The following TTBK2 variants were observed in gnomAD, a reference collection of about 807,000 sequenced individuals.
TTBK2 encodes the protein tau-tubulin kinase 2.
TTBK2 carries 28 observed loss-of-function variants against 110.8 expected under a neutral mutation model. The observed-to-expected ratio is 0.25, with a 90% CI of 0.19 to 0.35. The LOEUF is 0.35. Among genes scored for constraint, TTBK2 ranks in the 10% least tolerant of loss-of-function variants. The probability of loss-of-function intolerance (pLI) is 1.00; values close to 1 mark genes in which losing one functional copy is unlikely to be tolerated. For missense variants in TTBK2, 1,369 were observed against 1,500.3 expected, an observed-to-expected ratio of 0.91 and a Z score of 1.45; for synonymous variants, 532 against 527.3, an observed-to-expected ratio of 1.01 and a Z score of -0.12.
At chr15:42,807,302 G>A (rs1891508701) in intron 9 of TTBK2, among the ~76,000 whole-genome samples, 1 of 152,102 alleles carries the variant, frequency 6.6e-6, no homozygotes, top group South Asian at 2.1e-4. Flanking sequence ...CCAACGGTGT[G>A]TATATTTATG....
At chr15:42,768,214 GT>G (rs2140711843) in intron 13 of TTBK2, among the ~76,000 whole-genome samples, 1 of 152,326 alleles carries the variant, frequency 6.6e-6, no homozygotes, top group Admixed American at 6.5e-5. Context: ...AGACAGGGAT[GT>G]CCTCTCTCAC....
chr15:42,807,540 C>T (rs1361258248), intron 9 of TTBK2, among the ~76,000 whole-genome samples: 1 of 151,980 alleles, frequency 6.6e-6, no homozygotes, highest in Non-Finnish European at 1.5e-5. Context: ...TCCCAAGTAG[C>T]CGGGACTACA....
At chr15:42,858,182 T>C (rs1411940478) in intron 3 of TTBK2, among the ~76,000 whole-genome samples, 1 of 152,178 alleles carries the variant, frequency 6.6e-6, no homozygotes, top group African/African-American at 2.4e-5. Flanking sequence ...GTCTGCCAAA[T>C]TTTGATACAT....
intron 9 of TTBK2, among the ~76,000 whole-genome samples, chr15:42,804,904 T>C (rs978995292): frequency 3.9e-5 from 6 of 152,176 alleles, no homozygotes; most frequent in African/African-American, 9.7e-5. Context: ...ACTGAGAGAA[T>C]AGCAGATGCA....
In TTBK2 at chr15:42,800,857, C is replaced by A. The variant is rs1447343698; in HGVS notation, c.823-6056G>T. The A allele has an allele frequency of 5.0e-6, 3 of 600,512 alleles. 1 individual carries two copies. Among genetic ancestry groups the A allele is most frequent in the Non-Finnish European group, 8.9e-6 (3 of 337,378 alleles). 37.2% of individuals were successfully genotyped at this position (600,512 alleles called of 1,614,324 possible). A position where few individuals can be genotyped will look rare whatever the true frequency, so the allele number is the denominator to read the frequency against. ...AACTCCCTCGCGGATGGGCTGAGGG[C>A]TAGGGCTGAGCCTCGGGTGGGTCTC... On this transcript the variant is annotated intron_variant, in intron 9 of 14. Transcript: ENST00000267890.
chr15:42,863,560 G>A (rs1019761297), intron 3 of TTBK2, among the ~76,000 whole-genome samples: 24 of 151,258 alleles, frequency 1.6e-4, no homozygotes, highest in African/African-American at 5.8e-4. Flanking sequence ...ATTTTTCACA[G>A]AATTAGAAAA....
intron 11 of TTBK2, among the ~76,000 whole-genome samples, chr15:42,779,798 C>T (rs191143264): frequency 2.6e-4 from 40 of 151,998 alleles, no homozygotes; most frequent in African/African-American, 9.2e-4. Flanking sequence ...CTGGCCAATA[C>T]GGTGAAGCCC....
chr15:42,827,341 A>T (rs1892577013), intron 6 of TTBK2, among the ~76,000 whole-genome samples: 1 of 152,216 alleles, frequency 6.6e-6, no homozygotes, highest in South Asian at 2.1e-4. Context: ...GCTGTAATAT[A>T]TTACCTAAAA....
intron 14 of TTBK2, among the ~76,000 whole-genome samples, chr15:42,750,490 G>A (rs941916622): frequency 6.6e-6 from 1 of 151,918 alleles, no homozygotes; most frequent in African/African-American, 2.4e-5. Context: ...AGATGGATTC[G>A]AGAGCAGATT....
intron 3 of TTBK2, among the ~76,000 whole-genome samples, chr15:42,865,847 G>A (rs986411341): frequency 3.9e-5 from 6 of 151,980 alleles, no homozygotes; most frequent in Non-Finnish European, 8.8e-5. Flanking sequence ...AAGAAACAAA[G>A]AACAAGACAA....
At chr15:42,885,656 A>G (rs968342903) in intron 1 of TTBK2, among the ~76,000 whole-genome samples, 7 of 151,598 alleles carry the variant, frequency 4.6e-5, no homozygotes, top group Admixed American at 3.3e-4. Context: ...GGGGGCAAGT[A>G]CCCCCCGACC....
chr15:42,880,554 C>G (rs866912102), intron 1 of TTBK2, among the ~76,000 whole-genome samples: 1 of 152,072 alleles, frequency 6.6e-6, no homozygotes. Flanking sequence ...ACCTGGATAA[C>G]ATTGTTTGTT....
At chr15:42,919,023 C>T (rs116269151) in intron 1 of TTBK2, among the ~76,000 whole-genome samples, 1,734 of 152,216 alleles carry the variant, frequency 0.011, 30 homozygotes, top group African/African-American at 0.039. Context: ...AAAGCATTTC[C>T]TAACATTCTA....
At chr15:42,891,025 C>A (rs893842648) in intron 1 of TTBK2, among the ~76,000 whole-genome samples, 2 of 151,930 alleles carry the variant, frequency 1.3e-5, no homozygotes, top group African/African-American at 4.8e-5. Context: ...TGCACCACCA[C>A]GCCCGGCTAA....
At chr15:42,859,713 A>C (rs11070382) in intron 3 of TTBK2, among the ~76,000 whole-genome samples, 22,053 of 152,244 alleles carry the variant, frequency 0.14, 1,703 homozygotes, top group East Asian at 0.21. Flanking sequence ...GGCAAAAAAA[A>C]CACAATTTGA....
intron 7 of TTBK2, among the ~76,000 whole-genome samples, chr15:42,813,484 T>C (rs2140933409): frequency 6.6e-6 from 1 of 152,070 alleles, no homozygotes; most frequent in South Asian, 2.1e-4. Context: ...ACCATACCAG[T>C]ATACTCCAGC....
At chr15:42,820,188 T>C (rs1413404182) in intron 6 of TTBK2, among the ~76,000 whole-genome samples, 1 of 152,160 alleles carries the variant, frequency 6.6e-6, no homozygotes, top group African/African-American at 2.4e-5. Flanking sequence ...AAAGAAATAA[T>C]GTCAGATCAA....
At chr15:42,826,255 AT>A (rs561540234) in intron 6 of TTBK2, among the ~76,000 whole-genome samples, 15 of 151,990 alleles carry the variant, frequency 9.9e-5, no homozygotes, top group African/African-American at 3.4e-4. Flanking sequence ...TTTTATATTT[AT>A]TTTTTATTTT....
intron 3 of TTBK2, among the ~76,000 whole-genome samples, chr15:42,865,812 G>C (rs1239489596): frequency 6.6e-6 from 1 of 152,106 alleles, no homozygotes; most frequent in East Asian, 1.9e-4. Flanking sequence ...GACAGAGTGA[G>C]ACTCCATTTC....
Sources: allele counts gnomAD v4.1 joint callset (sites outside exome capture counted in the v4.1 genomes callset), GRCh38; gene constraint gnomAD v4.1.1; transcripts MANE v1.5; gene names NCBI Gene and HGNC (gene_info 2026-07-23, HGNC 2026-07-21).